Variants in USP6NL observed in about 807,000 individuals in gnomAD.
USP6NL encodes the protein USP6 N-terminal-like protein.
Under a neutral mutation model 61.9 loss-of-function variants are expected in USP6NL, and 26 were observed. That is an observed-to-expected ratio of 0.42 (90% CI 0.31 to 0.58). The LOEUF is 0.58. Ranked by LOEUF, USP6NL falls within the 20% of genes least tolerant of loss-of-function variation. USP6NL has a pLI of 0.16. For synonymous variants in USP6NL, 432 were observed against 390.1 expected, an observed-to-expected ratio of 1.11 and a Z score of -1.27; for missense variants, 1,114 against 1,034.3, an observed-to-expected ratio of 1.08 and a Z score of -1.06.
chr10:11,594,788 A>C (rs1838273103), intron 2 of USP6NL, among the ~76,000 whole-genome samples: 1 of 152,218 alleles, frequency 6.6e-6, no homozygotes, highest in African/African-American at 2.4e-5. Context: ...ACAAACACCC[A>C]AGGTAGTGCA....
At chr10:11,593,525 G>A (rs924209045) in intron 2 of USP6NL, among the ~76,000 whole-genome samples, 2 of 152,076 alleles carry the variant, frequency 1.3e-5, no homozygotes, top group Non-Finnish European at 2.9e-5. Context: ...GGGCAAGTGT[G>A]ATAAATGTTA....
chr10:11,581,753 T>A (rs1467845932), intron 2 of USP6NL, among the ~76,000 whole-genome samples: 1 of 152,258 alleles, frequency 6.6e-6, no homozygotes, highest in African/African-American at 2.4e-5. Context: ...TCTTTGTCAT[T>A]CTACTTAAGC....
intron 7 of USP6NL, 23 bp downstream of exon 7, chr10:11,501,078 A>G: frequency 6.6e-7 from 1 of 1,524,010 alleles, no homozygotes; most frequent in Non-Finnish European, 8.8e-7. Flanking sequence ...TTTCAAAATA[A>G]CAAGTTAGCT....
intron 1 of USP6NL, among the ~76,000 whole-genome samples, chr10:11,599,681 CTTTA>C (rs1393383770): frequency 6.7e-6 from 1 of 149,350 alleles, no homozygotes; most frequent in Non-Finnish European, 1.5e-5. Context: ...GTTCAGGATT[CTTTA>C]TTTACACTAA....
chr10:11,485,862 A>G lies in USP6NL; in HGVS notation c.714T>C (p.His238=). ...ACAGAAATTTGTTCAGTATTTTTTC[A>G]TGATGTTCTTGAAACCTCAAGAGTT... ...FPKLLRFQEH[H]EKILNKFLSK... Residue 238 remains histidine (H), a synonymous_variant, in exon 11 of 15, where the codon CAT becomes CAC. Transcript: ENST00000609104. This position sits in a 1 kb window ranked among gnomAD's most constrained non-coding sequence, Gnocchi z 4.8. The G allele has an allele frequency of 1.3e-6, 2 of 1,556,854 alleles. No individual in the cohort carries two copies. The highest frequency in any genetic ancestry group is 1.7e-6 in the Non-Finnish European group (2 of 1,150,024).
In USP6NL at chr10:11,525,761, G is replaced by C. The variant is rs1391830827; in HGVS notation, c.73-293C>G. On this transcript the variant is annotated intron_variant, in intron 3 of 14. Coordinates refer to ENST00000609104, the MANE Select transcript of USP6NL (RefSeq NM_014688.5). This position sits in a 1 kb window ranked among gnomAD's most constrained non-coding sequence, Gnocchi z 5.0. Reference sequence around the variant, plus strand: ...TTCCTTGGGGAAGCTAATGAGGAAAGAAGAGCGATGGGGATGAGAAAGCCA... The same window carrying C: ...TTCCTTGGGGAAGCTAATGAGGAAACAAGAGCGATGGGGATGAGAAAGCCA... 6.6e-6 allele frequency among the ~76,000 whole-genome samples: 1 copy of C among 152,208 alleles called. No homozygotes were observed.
At chr10:11,526,148 G>T (rs56184620) in intron 3 of USP6NL, among the ~76,000 whole-genome samples, 12,236 of 146,364 alleles carry the variant, frequency 0.084, 595 homozygotes, top group South Asian at 0.19. Context: ...TTGATGGTGT[G>T]CCCAAAGTTC....
intron 6 of USP6NL, among the ~76,000 whole-genome samples, chr10:11,506,094 C>G (rs1450567842): frequency 6.6e-6 from 1 of 152,138 alleles, no homozygotes; most frequent in Non-Finnish European, 1.5e-5. Context: ...TCTGGACATT[C>G]TTTTGCTTGT....
At chr10:11,544,919 G>C in intron 2 of USP6NL, among the ~76,000 whole-genome samples, 1 of 152,114 alleles carries the variant, frequency 6.6e-6, no homozygotes, top group East Asian at 1.9e-4. Context: ...GTACTGATTT[G>C]GATTCGTCCC....
intron 2 of USP6NL, among the ~76,000 whole-genome samples, chr10:11,545,144 A>G (rs1302759843): frequency 6.6e-6 from 1 of 152,170 alleles, no homozygotes; most frequent in Non-Finnish European, 1.5e-5. Context: ...TGTAAATATA[A>G]TTAACATTAG....
In USP6NL at chr10:11,532,234, G is replaced by A; in HGVS notation, c.5-4667C>T. ...ATTAACAACAGCTTCAGTCCTCATA[G>A]AGTAACTTATCTATTCCAAGATTTC... On this transcript the variant is annotated intron_variant, in intron 2 of 14. Coordinates refer to ENST00000609104, the MANE Select transcript of USP6NL (RefSeq NM_014688.5). The surrounding 1 kb of genome is among the most constrained non-coding windows in gnomAD (Gnocchi z 4.1). 2 of 1,600,888 alleles carry A rather than the reference G, an allele frequency of 1.2e-6. No homozygotes were observed. Among genetic ancestry groups the A allele is most frequent in the Non-Finnish European group, 1.7e-6 (2 of 1,173,276 alleles).
chr10:11,515,838 C>G (rs1016354432), intron 5 of USP6NL, among the ~76,000 whole-genome samples: 2 of 152,106 alleles, frequency 1.3e-5, no homozygotes, highest in African/African-American at 4.8e-5. Context: ...CAAAAAGAAA[C>G]GTGTCTTTTT....
At position 11,574,897 on chromosome 10, in the gene USP6NL, C is replaced by A. The variant is rs1342835972; in HGVS notation, c.4+22734G>T. Among the ~76,000 whole-genome samples, 1 of 152,172 alleles carries A rather than the reference C, an allele frequency of 6.6e-6. No individual in the cohort carries two copies. Among genetic ancestry groups the A allele is most frequent in the African/African-American group, 2.4e-5 (1 of 41,448 alleles). On this transcript the variant is annotated intron_variant, in intron 2 of 14. Transcript: ENST00000609104. This position sits in a 1 kb window ranked among gnomAD's most constrained non-coding sequence, Gnocchi z 4.3. ...CCTTCTGCTTTCTCTCCAGCAAGCACCGTCTGTAAAAATGTCTAGTTTTAA... is the reference window on the plus strand; with the variant it reads ...CCTTCTGCTTTCTCTCCAGCAAGCAACGTCTGTAAAAATGTCTAGTTTTAA...
Position 11,537,356 on chromosome 10 carries a change from C to T in USP6NL, c.5-9789G>A, listed in dbSNP as rs554154959. Among the ~76,000 whole-genome samples, 72 of 151,994 alleles carry T rather than the reference C, an allele frequency of 4.7e-4. 1 individual carries two copies. Among genetic ancestry groups the T allele is most frequent in the African/African-American group, 1.7e-3 (71 of 41,554 alleles). Reference sequence around the variant, plus strand: ...CGAACTCCTGGGCTGGGGCAATCCACCCACCTTGGCCTCCCAAAGTGCTAC... The same window carrying T: ...CGAACTCCTGGGCTGGGGCAATCCATCCACCTTGGCCTCCCAAAGTGCTAC... On this transcript the variant is annotated intron_variant, in intron 2 of 14. Coordinates refer to ENST00000609104, the MANE Select transcript of USP6NL (RefSeq NM_014688.5). This position sits in a 1 kb window ranked among gnomAD's most constrained non-coding sequence, Gnocchi z 5.1.
intron 2 of USP6NL, among the ~76,000 whole-genome samples, chr10:11,555,593 C>CA (rs1165871377): frequency 1.6e-4 from 24 of 150,762 alleles, no homozygotes; most frequent in African/African-American, 5.6e-4. Context: ...CTAGAGAGGA[C>CA]AGATAGAATG....
intron 2 of USP6NL, chr10:11,573,459 T>C (rs554553886): frequency 4.0e-4 from 156 of 391,910 alleles, no homozygotes; most frequent in Middle Eastern, 1.3e-3. Context: ...TGCCATTACC[T>C]GATCCTTTTC....
At position 11,520,442 on chromosome 10, in the gene USP6NL, C is replaced by T. The variant is rs1342983465; in HGVS notation, c.156-1868G>A. 6.6e-6 allele frequency among the ~76,000 whole-genome samples: 1 copy of T among 152,216 alleles called. No individual in the cohort carries two copies. Among genetic ancestry groups the T allele is most frequent in the African/African-American group, 2.4e-5 (1 of 41,460 alleles). ...GCATATGCTTAAATTTCACACCCTT[C>T]CGAGGATGACACTGCTGCTGCTTAC... On this transcript the variant is annotated intron_variant, in intron 4 of 14. Transcript: ENST00000609104. The surrounding 1 kb of genome is among the most constrained non-coding windows in gnomAD (Gnocchi z 5.2).
intron 1 of USP6NL, among the ~76,000 whole-genome samples, chr10:11,607,130 A>G (rs1838732484): frequency 6.6e-6 from 1 of 152,176 alleles, no homozygotes; most frequent in African/African-American, 2.4e-5. Context: ...GAGTTATTAT[A>G]GGCCAATTCA....
intron 2 of USP6NL, among the ~76,000 whole-genome samples, chr10:11,571,034 T>C (rs1354282133): frequency 6.6e-6 from 1 of 152,088 alleles, no homozygotes; most frequent in Non-Finnish European, 1.5e-5. Context: ...TGTTACACCA[T>C]TCATCTAGTC....
Sources: allele counts gnomAD v4.1 joint callset (sites outside exome capture counted in the v4.1 genomes callset), GRCh38; gene constraint gnomAD v4.1.1; non-coding constraint Gnocchi (gnomAD v3.1); transcripts MANE v1.5; gene names NCBI Gene and HGNC (gene_info 2026-07-23, HGNC 2026-07-21).